The following PTPRT variants were observed in gnomAD, a reference collection of about 807,000 sequenced individuals.
PTPRT encodes protein tyrosine phosphatase receptor type T.
Under a neutral mutation model 176.8 loss-of-function variants are expected in PTPRT, and 56 were observed. That is an observed-to-expected ratio of 0.32 (90% CI 0.26 to 0.40). The LOEUF (loss-of-function observed/expected upper bound fraction) is 0.40, where lower values mean the gene tolerates loss of function less well. Ranked by LOEUF, PTPRT falls within the 10% of genes least tolerant of loss-of-function variation. PTPRT has a pLI of 1.00. For missense variants in PTPRT, 1,540 were observed against 1,908.2 expected, an observed-to-expected ratio of 0.81 and a Z score of 3.60; for synonymous variants, 783 against 739.0, an observed-to-expected ratio of 1.06 and a Z score of -0.96.
intron 9 of PTPRT, among the ~76,000 whole-genome samples, chr20:42,425,400 A>G (rs1363009493): frequency 6.6e-6 from 1 of 152,222 alleles, no homozygotes; most frequent in Non-Finnish European, 1.5e-5. Flanking sequence ...AATGTAAGTG[A>G]AATCATGCAA....
chr20:42,564,586 T>C (rs560190682), intron 7 of PTPRT, among the ~76,000 whole-genome samples: 3 of 151,870 alleles, frequency 2.0e-5, no homozygotes, highest in African/African-American at 7.3e-5. Flanking sequence ...AGGAGGTTGT[T>C]GGGGGGACAA....
chr20:43,084,195 C>T lies in PTPRT; in HGVS notation c.88+105451G>A, dbSNP rs181273105. Among the ~76,000 whole-genome samples the T allele has an allele frequency of 2.6e-3, 399 of 152,250 alleles. 1 individual carries two copies. The highest frequency in any genetic ancestry group is 9.2e-3 in the African/African-American group (381 of 41,540). On this transcript the variant is annotated intron_variant, in intron 1 of 30. Coordinates refer to ENST00000373187, the MANE Select transcript of PTPRT (RefSeq NM_007050.6). ...TCTAAGTGACTGCCGAACTGTTTTT[C>T]CAAAGTGGCCATGCCATTGTACATC...
At chr20:42,986,751 T>C (rs1428876464) in intron 1 of PTPRT, among the ~76,000 whole-genome samples, 2 of 152,166 alleles carry the variant, frequency 1.3e-5, no homozygotes, top group Non-Finnish European at 2.9e-5. Flanking sequence ...AGTATTTATA[T>C]CCTATCTGCA....
intron 1 of PTPRT, among the ~76,000 whole-genome samples, chr20:42,938,145 G>C (rs1005119472): frequency 3.9e-5 from 6 of 152,178 alleles, no homozygotes; most frequent in African/African-American, 1.2e-4. Context: ...ACAGCTAACA[G>C]AAACATTTAA....
intron 22 of PTPRT, among the ~76,000 whole-genome samples, chr20:42,114,786 C>T (rs1987186676): frequency 6.6e-6 from 1 of 152,118 alleles, no homozygotes; most frequent in African/African-American, 2.4e-5. Flanking sequence ...TCACTTTTTC[C>T]CCTCCAGACT....
intron 1 of PTPRT, among the ~76,000 whole-genome samples, chr20:43,059,706 C>T (rs1465409840): frequency 6.6e-6 from 1 of 152,172 alleles, no homozygotes; most frequent in Non-Finnish European, 1.5e-5. Context: ...CAGCCAGGCC[C>T]AGTGACTCAT....
chr20:43,149,023 C>G (rs910794603), intron 1 of PTPRT, among the ~76,000 whole-genome samples: 9 of 152,152 alleles, frequency 5.9e-5, no homozygotes, highest in African/African-American at 1.9e-4. Context: ...AGAAAAAAAT[C>G]TAGATCCATG....
intron 7 of PTPRT, among the ~76,000 whole-genome samples, chr20:42,601,268 A>G (rs997622526): frequency 6.6e-6 from 1 of 152,144 alleles, no homozygotes; most frequent in Non-Finnish European, 1.5e-5. Flanking sequence ...TCCAACATAC[A>G]ATCTGCCTTC....
chr20:43,070,680 A>G (rs1405276600), intron 1 of PTPRT, among the ~76,000 whole-genome samples: 1 of 152,176 alleles, frequency 6.6e-6, no homozygotes, highest in East Asian at 1.9e-4. Flanking sequence ...TTGTAGGGAC[A>G]TGGATGAAGC....
chr20:42,151,882 G>A (rs1989148320), intron 17 of PTPRT, among the ~76,000 whole-genome samples: 1 of 152,218 alleles, frequency 6.6e-6, no homozygotes, highest in Non-Finnish European at 1.5e-5. Context: ...GGAAAATTGG[G>A]ATAAGCTGGT....
chr20:42,227,597 A>ATTTTTTTTTTTTTTTTTTT (rs1568688966), intron 15 of PTPRT, among the ~76,000 whole-genome samples: 1 of 110,740 alleles, frequency 9.0e-6, no homozygotes, highest in African/African-American at 3.4e-5. Flanking sequence ...AAAGTCCCTC[A>ATTTTTTTTTTTTTTTTTTT]TTGTTTTTTT....
At chr20:43,076,126 A>G (rs533154913) in intron 1 of PTPRT, among the ~76,000 whole-genome samples, 3 of 152,308 alleles carry the variant, frequency 2.0e-5, no homozygotes, top group South Asian at 4.1e-4. Context: ...TTTAAACATA[A>G]TAGTGACCAC....
At position 43,122,222 on chromosome 20, in the gene PTPRT, A is replaced by T. The variant is rs911421675; in HGVS notation, c.88+67424T>A. Among the ~76,000 whole-genome samples the T allele has an allele frequency of 2.6e-5, 4 of 152,218 alleles. No homozygotes were observed. In the East Asian group the frequency reaches 7.7e-4, roughly 29 times the overall value. On this transcript the variant is annotated intron_variant, in intron 1 of 30. Transcript: ENST00000373187. ...GAAAACCACTGTTCTGAAAGGTGGC[A>T]ATCAGGTCTCACTTATCTCTGTATC... is the stretch of plus-strand genomic sequence containing the variant.
chr20:42,044,450 G>C, the PTPRT span, among the ~76,000 whole-genome samples: 1 of 152,200 alleles, frequency 6.6e-6, no homozygotes, highest in Non-Finnish European at 1.5e-5. Context: ...ACTCATGCTA[G>C]GCATTGGGCA....
intron 2 of PTPRT, among the ~76,000 whole-genome samples, chr20:42,830,593 C>T (rs900450369): frequency 6.6e-6 from 1 of 152,056 alleles, no homozygotes; most frequent in Non-Finnish European, 1.5e-5. Flanking sequence ...GAAGCCCTGG[C>T]CAAAGCAATA....
At chr20:43,027,596 G>A (rs762748245) in intron 1 of PTPRT, among the ~76,000 whole-genome samples, 1 of 152,100 alleles carries the variant, frequency 6.6e-6, no homozygotes, top group Non-Finnish European at 1.5e-5. Context: ...GAAAGACCAC[G>A]TGAGGACACA....
chr20:43,050,312 T>G (rs1202126680), intron 1 of PTPRT, among the ~76,000 whole-genome samples: 1 of 152,078 alleles, frequency 6.6e-6, no homozygotes, highest in Non-Finnish European at 1.5e-5. Context: ...GTTCACTTGG[T>G]TTAGGCAGAA....
chr20:43,009,869 G>C (rs528266386), intron 1 of PTPRT, among the ~76,000 whole-genome samples: 74 of 152,190 alleles, frequency 4.9e-4, no homozygotes, highest in Non-Finnish European at 9.7e-4. Flanking sequence ...GGAGCAGAGA[G>C]GAAAAGCATC....
At chr20:42,055,557 G>C in the PTPRT span, among the ~76,000 whole-genome samples, 1 of 152,204 alleles carries the variant, frequency 6.6e-6, no homozygotes, top group East Asian at 1.9e-4. Flanking sequence ...AAGGGATGTG[G>C]TTGGGGAGGT....
Sources: allele counts gnomAD v4.1 joint callset (sites outside exome capture counted in the v4.1 genomes callset), GRCh38; gene constraint gnomAD v4.1.1; transcripts MANE v1.5; gene names NCBI Gene and HGNC (gene_info 2026-07-23, HGNC 2026-07-21).